The following SIPA1L1 variants were observed in gnomAD, a reference collection of about 807,000 sequenced individuals.
SIPA1L1 encodes the protein signal-induced proliferation-associated 1-like protein 1.
In SIPA1L1, 26 loss-of-function variants were observed where a neutral mutation model predicts 162.7. The ratio of observed to expected loss-of-function variants is 0.16; its 90% CI spans 0.12 to 0.22. The LOEUF is 0.22. Among genes scored for constraint, SIPA1L1 ranks in the 10% least tolerant of loss-of-function variants. The probability of loss-of-function intolerance (pLI) is 1.00; values close to 1 mark genes in which losing one functional copy is unlikely to be tolerated. For synonymous variants in SIPA1L1, 829 were observed against 837.4 expected, an observed-to-expected ratio of 0.99 and a Z score of 0.17; for missense variants, 1,874 against 2,241.0, an observed-to-expected ratio of 0.84 and a Z score of 3.31.
chr14:71,709,329 A>G lies in SIPA1L1; in HGVS notation c.3873A>G (p.Glu1291=), dbSNP rs772963722. Residue 1291 remains glutamate, a synonymous_variant, in exon 17 of 24, where the codon GAA becomes GAG. Coordinates refer to ENST00000381232, the MANE Select transcript of SIPA1L1 (RefSeq NM_001386936.1). ...ACGATGGGGACCGCACAGAATCCGA[A>G]CTCAACAGCTATAACTATCTGCAAG... ...KWYDGDRTES[E]LNSYNYLQGT... 3 of 1,614,156 alleles carry G rather than the reference A, an allele frequency of 1.9e-6. No individual in the cohort carries two copies. In the South Asian group the frequency reaches 3.3e-5, roughly 18 times the overall value.
chr14:71,546,799 G>A (rs2055256369), intron 4 of SIPA1L1, among the ~76,000 whole-genome samples: 1 of 152,208 alleles, frequency 6.6e-6, no homozygotes, highest in African/African-American at 2.4e-5. Flanking sequence ...AGCATGGAAA[G>A]TAATGGATGC....
chr14:71,618,623 A>C (rs1350881404), intron 5 of SIPA1L1, 134 bp from the exon 6 acceptor site: 4 of 775,666 alleles, frequency 5.2e-6, no homozygotes, highest in Non-Finnish European at 6.0e-6. Context: ...TAACTGAAGA[A>C]TATTAATATT....
intron 4 of SIPA1L1, among the ~76,000 whole-genome samples, chr14:71,547,689 C>T (rs1434487342): frequency 6.6e-6 from 1 of 152,096 alleles, no homozygotes; most frequent in East Asian, 1.9e-4. Context: ...GGCTTCTTTC[C>T]TTCCACGCTG....
intron 2 of SIPA1L1, among the ~76,000 whole-genome samples, chr14:71,384,849 C>T (rs953597437): frequency 6.6e-6 from 1 of 152,154 alleles, no homozygotes; most frequent in African/African-American, 2.4e-5. Flanking sequence ...TCCTTCAGAT[C>T]GGTAGGGACT....
At chr14:71,626,749 T>G (rs1337510066) in intron 7 of SIPA1L1, among the ~76,000 whole-genome samples, 1 of 152,210 alleles carries the variant, frequency 6.6e-6, no homozygotes, top group East Asian at 1.9e-4. Context: ...TCTCTTTTTA[T>G]ATTTGGTTTA....
chr14:71,451,632 CA>C (rs762968378), intron 2 of SIPA1L1, among the ~76,000 whole-genome samples: 429 of 54,404 alleles, frequency 7.9e-3, no homozygotes, highest in South Asian at 0.026. Context: ...GACCTTGTCT[CA>C]AAAAAAAAAA....
At chr14:71,455,383 G>A (rs2141687086) in intron 2 of SIPA1L1, among the ~76,000 whole-genome samples, 1 of 152,208 alleles carries the variant, frequency 6.6e-6, no homozygotes, top group African/African-American at 2.4e-5. Flanking sequence ...AAAGGAGGAA[G>A]AATGGCTTAT....
rs543130067 is a variant in SIPA1L1, at chr14:71,441,167, T to G, written c.-464-71576T>G. Among the ~76,000 whole-genome samples, 15 of 152,314 alleles carry G rather than the reference T, an allele frequency of 9.8e-5. No individual in the cohort carries two copies. In the East Asian group the frequency reaches 1.9e-3, roughly 20 times the overall value. On this transcript the variant is annotated intron_variant, in intron 2 of 23. Transcript: ENST00000381232. Reference sequence around the variant, plus strand: ...CTTTGAGGTGACTGGAAACATGGTGTTGTCTGTTTGAATAATGGAATTTCT... The same window carrying G: ...CTTTGAGGTGACTGGAAACATGGTGGTGTCTGTTTGAATAATGGAATTTCT...
In SIPA1L1 at chr14:71,709,213, C is replaced by G. The variant is rs368546503; in HGVS notation, c.3766-9C>G. 1.9e-6 allele frequency: 3 copies of G among 1,598,328 alleles called. No individual in the cohort carries two copies. The highest frequency in any genetic ancestry group is 2.6e-6 in the Non-Finnish European group (3 of 1,170,728). ...CTTTGCACTCAAATAAATTCTGCTT[C>G]TCTTGCAGTCTGATAGCCACTACTC... On this transcript the variant is annotated splice_polypyrimidine_tract_variant and intron_variant, in intron 16 of 23. Coordinates refer to ENST00000381232, the MANE Select transcript of SIPA1L1 (RefSeq NM_001386936.1).
intron 2 of SIPA1L1, among the ~76,000 whole-genome samples, chr14:71,367,368 G>A (rs1444865108): frequency 2.7e-5 from 4 of 148,792 alleles, no homozygotes; most frequent in Non-Finnish European, 5.9e-5. Flanking sequence ...GTGCAGTGGC[G>A]CGATCTCTGC....
At chr14:71,512,597 A>T (rs2051265651) in intron 2 of SIPA1L1, 146 bp from the exon 3 acceptor site, 1 of 147,570 alleles carries the variant, frequency 6.8e-6, no homozygotes. Context: ...AAAAAAAAAA[A>T]AAAAAAGGTT....
At chr14:71,618,657 A>C in intron 5 of SIPA1L1, 100 bp from the exon 6 acceptor site, 3 of 1,062,786 alleles carry the variant, frequency 2.8e-6, no homozygotes, top group Non-Finnish European at 4.1e-6. Context: ...CATTTTATTG[A>C]TAAAATTTCT....
At chr14:71,603,856 G>T (rs981323574) in intron 5 of SIPA1L1, among the ~76,000 whole-genome samples, 7 of 150,046 alleles carry the variant, frequency 4.7e-5, no homozygotes, top group African/African-American at 1.7e-4. Context: ...TGGAGGTTGC[G>T]GTGAGCCGAG....
chr14:71,637,448 C>T (rs925099033), intron 7 of SIPA1L1, among the ~76,000 whole-genome samples: 1 of 151,876 alleles, frequency 6.6e-6, no homozygotes, highest in Non-Finnish European at 1.5e-5. Context: ...TAAACTTTAT[C>T]GAGTTGGGCG....
chr14:71,624,143 G>A lies in SIPA1L1; in HGVS notation c.1725G>A (p.Glu575=), dbSNP rs748093174. The A allele has an allele frequency of 6.2e-7, 1 of 1,614,218 alleles. No homozygotes were observed. Among genetic ancestry groups the A allele is most frequent in the Non-Finnish European group, 8.5e-7 (1 of 1,180,034 alleles). ...ARGLPLKEVL[E]HVVPELNVQC... is the part of the protein sequence containing the mutation. ...GCCTGCCTCTCAAAGAAGTGCTGGA[G>A]CACGTGGTTCCTGAGCTCAATGTCC... Residue 575 remains glutamate (E), a synonymous_variant, in exon 7 of 24, where the codon GAG becomes GAA. Transcript: ENST00000381232.
At chr14:71,542,191 T>C (rs1305292697) in intron 4 of SIPA1L1, among the ~76,000 whole-genome samples, 1 of 152,034 alleles carries the variant, frequency 6.6e-6, no homozygotes, top group Non-Finnish European at 1.5e-5. Context: ...GCTCAAGCCG[T>C]CCTCCCCACT....
chr14:71,683,141 A>G (rs557964248), intron 12 of SIPA1L1, among the ~76,000 whole-genome samples: 36 of 152,336 alleles, frequency 2.4e-4, no homozygotes, highest in African/African-American at 8.4e-4. Context: ...GCGACACAGC[A>G]AGACCTTCTC....
chr14:71,723,922 C>A, intron 18 of SIPA1L1, 36 bp downstream of exon 18: 1 of 1,612,512 alleles, frequency 6.2e-7, no homozygotes, highest in South Asian at 1.1e-5. Context: ...TGGTGGCTTG[C>A]TTTTAACAGG....
At chr14:71,713,462 T>G (rs1472412291) in intron 17 of SIPA1L1, among the ~76,000 whole-genome samples, 1 of 152,198 alleles carries the variant, frequency 6.6e-6, no homozygotes, top group East Asian at 1.9e-4. Context: ...AGGAAAAACT[T>G]TAGAACAGCT....
Sources: allele counts gnomAD v4.1 joint callset (sites outside exome capture counted in the v4.1 genomes callset), GRCh38; gene constraint gnomAD v4.1.1; transcripts MANE v1.5; gene names NCBI Gene and HGNC (gene_info 2026-07-23, HGNC 2026-07-21).